ANKRD62: variants seen among roughly 807,000 people sequenced by gnomAD.
ANKRD62 encodes the protein ankyrin repeat domain-containing protein 62.
A neutral mutation model predicts 98.8 loss-of-function variants in ANKRD62; 61 were observed. That is an observed-to-expected ratio of 0.62 (90% CI 0.50 to 0.76). The LOEUF is 0.76. Ranked by LOEUF, ANKRD62 falls within the 30% of genes least tolerant of loss-of-function variation. The probability of loss-of-function intolerance (pLI) is 0.00; values close to 1 mark genes in which losing one functional copy is unlikely to be tolerated. For missense variants in ANKRD62, 933 were observed against 1,082.9 expected (o/e 0.86, Z 1.94); for synonymous variants, 341 against 367.9 (o/e 0.93, Z 0.84).
chr18:12,131,851 T>C (rs1910010744), downstream of ANKRD62, among the ~76,000 whole-genome samples: 1 of 152,206 alleles, frequency 6.6e-6, no homozygotes, highest in Non-Finnish European at 1.5e-5. Flanking sequence ...ATGATTTTTG[T>C]AGCTTTGTAA....
chr18:12,102,437 C>T lies in ANKRD62; in HGVS notation c.821-721C>T, dbSNP rs145082958. ...CAACAGAGCTCAGCCTCCTTGGGCA[C>T]CGCGAAGGGTACTCAGTCTCCAGAG... On this transcript the variant is annotated intron_variant, in intron 6 of 13. Transcript: ENST00000587848. 2.6e-3 allele frequency: 1,230 copies of T among 477,384 alleles called. 9 individuals are homozygous for T. The highest frequency in any genetic ancestry group is 4.1e-3 in the Middle Eastern group (6 of 1,454). The allele number at this position is 477,384 out of a possible 1,614,324, so 29.6% of individuals were successfully genotyped here.
intron 10 of ANKRD62, among the ~76,000 whole-genome samples, chr18:12,122,062 A>G (rs970869986): frequency 6.6e-6 from 1 of 152,132 alleles, no homozygotes; most frequent in Non-Finnish European, 1.5e-5. Context: ...TATAGCATCT[A>G]TCCGAATTTG....
At chr18:12,124,423 T>A (rs1909846794) in intron 12 of ANKRD62, 103 bp downstream of exon 12, 1 of 420,774 alleles carries the variant, frequency 2.4e-6, no homozygotes, top group South Asian at 5.8e-5. Flanking sequence ...CAAATTTTAT[T>A]TCATCTTAAA....
chr18:12,122,565 A>T (rs1909804018), intron 11 of ANKRD62, 49 bp downstream of exon 11: 1 of 1,408,324 alleles, frequency 7.1e-7, no homozygotes, highest in Non-Finnish European at 9.4e-7. Flanking sequence ...TATACTAAGG[A>T]TATGTAGGAT....
downstream of ANKRD62, among the ~76,000 whole-genome samples, chr18:12,130,665 A>G (rs571631533): frequency 3.7e-5 from 5 of 135,750 alleles, no homozygotes; most frequent in East Asian, 7.9e-4. Flanking sequence ...ATTCTACACA[A>G]TGTTTTACTT....
the ANKRD62 span, among the ~76,000 whole-genome samples, chr18:12,159,307 C>A: frequency 6.6e-6 from 1 of 152,118 alleles, no homozygotes; most frequent in East Asian, 1.9e-4. Flanking sequence ...ATAAAAGATA[C>A]TGATTTGGGG....
chr18:12,098,655 G>C (rs1159826785), intron 5 of ANKRD62: 1 of 152,210 alleles, frequency 6.6e-6, no homozygotes, highest in Non-Finnish European at 1.5e-5. Context: ...AAACATTGGA[G>C]TAAGGTATCT....
At chr18:12,111,752 T>C (rs139050166) in intron 8 of ANKRD62, among the ~76,000 whole-genome samples, 4 of 152,160 alleles carry the variant, frequency 2.6e-5, no homozygotes, top group African/African-American at 9.6e-5. Flanking sequence ...ACCATTCCCA[T>C]AGACCAACAA....
chr18:12,180,916 G>A, the ANKRD62 span, among the ~76,000 whole-genome samples: 1 of 142,348 alleles, frequency 7.0e-6, no homozygotes, highest in African/African-American at 2.6e-5. Flanking sequence ...TTAACATTAG[G>A]TATATCTCCT....
Position 12,122,291 on chromosome 18 carries a change from T to G in ANKRD62, c.1241-12T>G. Reference sequence around the variant, plus strand: ...TGTATTTTATCTCTATTTTGTCTTCTCCTGGTAACAGATTTTGTTAGCCTA... The same window carrying G: ...TGTATTTTATCTCTATTTTGTCTTCGCCTGGTAACAGATTTTGTTAGCCTA... On this transcript the variant is annotated splice_polypyrimidine_tract_variant and intron_variant, in intron 10 of 13. Transcript: ENST00000587848. The G allele has an allele frequency of 6.6e-7, 1 of 1,524,568 alleles. No individual in the cohort carries two copies. The highest frequency in any genetic ancestry group is 1.2e-5 in the South Asian group (1 of 83,112). The allele number at this position is 1,524,568 out of a possible 1,614,324, so 94.4% of individuals were successfully genotyped here.
chr18:12,099,749 G>A (rs1387503600), intron 6 of ANKRD62, 67 bp downstream of exon 6: 1 of 898,766 alleles, frequency 1.1e-6, no homozygotes, highest in South Asian at 3.0e-5. Flanking sequence ...GAGGAAGGAA[G>A]TTTTGATCAC....
At chr18:12,115,929 G>A (rs971853054) in intron 10 of ANKRD62, among the ~76,000 whole-genome samples, 2 of 152,170 alleles carry the variant, frequency 1.3e-5, no homozygotes, top group South Asian at 4.2e-4. Context: ...ATTCACATCT[G>A]ATCATGTTAC....
intron 10 of ANKRD62, among the ~76,000 whole-genome samples, chr18:12,120,653 G>A (rs1909764546): frequency 6.6e-6 from 1 of 152,096 alleles, no homozygotes; most frequent in African/African-American, 2.4e-5. Context: ...ATAGTTGTTT[G>A]TCTGTCATTG....
At chr18:12,121,407 T>C (rs1172578022) in intron 10 of ANKRD62, among the ~76,000 whole-genome samples, 1 of 152,124 alleles carries the variant, frequency 6.6e-6, no homozygotes, top group Non-Finnish European at 1.5e-5. Flanking sequence ...AGGCTTGGTT[T>C]CTCCTCATCT....
chr18:12,158,727 G>A, the ANKRD62 span, among the ~76,000 whole-genome samples: 6 of 149,402 alleles, frequency 4.0e-5, no homozygotes, highest in Admixed American at 1.3e-4. Flanking sequence ...GTAGAGATGG[G>A]GTTTCACCGT....
At chr18:12,139,402 T>G in the ANKRD62 span, among the ~76,000 whole-genome samples, 1 of 152,118 alleles carries the variant, frequency 6.6e-6, no homozygotes, top group Admixed American at 6.5e-5. Flanking sequence ...CACAGCACTT[T>G]GGGAGGTTGA....
the ANKRD62 span, among the ~76,000 whole-genome samples, chr18:12,172,067 G>T: frequency 6.6e-6 from 1 of 151,992 alleles, no homozygotes; most frequent in Non-Finnish European, 1.5e-5. Context: ...AGCTTCTCTG[G>T]GATGGGTTTG....
intron 11 of ANKRD62, 60 bp downstream of exon 11, chr18:12,122,576 A>C (rs1909804164): frequency 7.5e-7 from 1 of 1,341,818 alleles, no homozygotes; most frequent in South Asian, 1.6e-5. Context: ...TATGTAGGAT[A>C]ATTTTTGTAA....
intron 11 of ANKRD62, among the ~76,000 whole-genome samples, chr18:12,123,715 G>GGATA (rs1909828765): frequency 6.6e-6 from 1 of 152,094 alleles, no homozygotes; most frequent in Non-Finnish European, 1.5e-5. Context: ...TCATGTTTAG[G>GGATA]GATACCTGCC....
Sources: gnomAD v4.1 joint callset for allele counts (sites outside exome capture counted in the v4.1 genomes callset) on GRCh38, gnomAD v4.1.1 for gene constraint, MANE v1.5 for transcripts, NCBI Gene and HGNC (gene_info 2026-07-23, HGNC 2026-07-21) for gene names.